Variants in EHF observed in about 807,000 individuals in gnomAD.
EHF encodes the protein ETS homologous factor.
In EHF, 14 loss-of-function variants were observed where a neutral mutation model predicts 45.1. That is an observed-to-expected ratio of 0.31 (90% CI 0.21 to 0.49). The LOEUF (loss-of-function observed/expected upper bound fraction) is 0.49. Among genes scored for constraint, EHF ranks in the 20% least tolerant of loss-of-function variants. The pLI is 0.99. For missense variants in EHF, 282 were observed against 371.4 expected (o/e 0.76, Z 1.98); for synonymous variants, 136 against 131.8 (o/e 1.03, Z -0.22).
intron 6 of EHF, 45 bp downstream of exon 6, chr11:34,651,850 G>A: frequency 6.4e-7 from 1 of 1,560,052 alleles, no homozygotes; most frequent in Admixed American, 1.8e-5. Context: ...TAATGCTTAG[G>A]GAGAATCAGT....
chr11:34,625,675 T>C (rs896517607), intron 1 of EHF, among the ~76,000 whole-genome samples: 5 of 152,216 alleles, frequency 3.3e-5, no homozygotes, highest in African/African-American at 1.2e-4. Context: ...GGGTTTTAAT[T>C]GACCTTGTTT....
intron 1 of EHF, among the ~76,000 whole-genome samples, chr11:34,638,306 C>G (rs1853650806): frequency 6.6e-6 from 1 of 152,178 alleles, no homozygotes; most frequent in Non-Finnish European, 1.5e-5. Flanking sequence ...GAATACATAC[C>G]ACCTGGGAAC....
chr11:34,632,384 T>G, intron 1 of EHF: 1 of 1,239,408 alleles, frequency 8.1e-7, no homozygotes, highest in Non-Finnish European at 1.1e-6. Flanking sequence ...TACGGTGGGT[T>G]TTATGTTAAC....
At chr11:34,635,353 G>C (rs1056028548) in intron 1 of EHF, among the ~76,000 whole-genome samples, 6 of 151,878 alleles carry the variant, frequency 4.0e-5, no homozygotes, top group Admixed American at 3.9e-4. Flanking sequence ...AGCCTCCTGG[G>C]TCTTGGGATG....
chr11:34,642,308 A>G (rs1854085572), intron 1 of EHF: 1 of 180,424 alleles, frequency 5.5e-6, no homozygotes, highest in South Asian at 1.6e-4. Flanking sequence ...AAAGAAAAAA[A>G]AAAACTGCTT....
intron 7 of EHF, 75 bp from the exon 8 acceptor site, chr11:34,658,458 C>T: frequency 7.7e-7 from 1 of 1,298,860 alleles, no homozygotes; most frequent in Non-Finnish European, 1.1e-6. Flanking sequence ...AGGAAGATGA[C>T]CTAACTCAAT....
intron 3 of EHF, among the ~76,000 whole-genome samples, chr11:34,648,050 G>T (rs1396208094): frequency 6.6e-6 from 1 of 152,168 alleles, no homozygotes. Flanking sequence ...TGACTTGTTT[G>T]GTCTCATCGC....
At chr11:34,646,823 A>C in intron 3 of EHF, 139 bp downstream of exon 3, 1 of 1,130,582 alleles carries the variant, frequency 8.8e-7, no homozygotes, top group Non-Finnish European at 1.3e-6. Context: ...CAAGACAGAG[A>C]AATGGAAGGA....
chr11:34,625,741 C>A (rs1028528099), intron 1 of EHF, among the ~76,000 whole-genome samples: 2 of 152,236 alleles, frequency 1.3e-5, no homozygotes, highest in Non-Finnish European at 2.9e-5. Context: ...AAGCACCTAA[C>A]CGCATTCTGT....
intron 6 of EHF, among the ~76,000 whole-genome samples, chr11:34,653,691 G>A (rs1399184368): frequency 1.3e-5 from 2 of 152,148 alleles, no homozygotes; most frequent in African/African-American, 4.8e-5. Context: ...AGCCTTATAT[G>A]GGTCAGTTTC....
At chr11:34,642,864 A>G in intron 2 of EHF, 137 bp downstream of exon 2, 1 of 665,264 alleles carries the variant, frequency 1.5e-6, no homozygotes, top group Non-Finnish European at 2.6e-6. Context: ...GAGAAAACTC[A>G]GTTTTGGAGT....
At position 34,662,333 on chromosome 11, in the gene EHF, A is replaced by G. The variant is rs1437165342; in HGVS notation, c.*3402A>G. On this transcript the variant is annotated 3_prime_UTR_variant, in exon 9 of 9. Transcript: ENST00000257831. ...TGAACATTTTACTGTGAGACTCTTT[A>G]TTTTGCCTTCTACTTGCGCTGAAAT... 6.6e-6 allele frequency among the ~76,000 whole-genome samples: 1 copy of G among 151,914 alleles called. No individual in the cohort carries two copies. Among genetic ancestry groups the G allele is most frequent in the Non-Finnish European group, 1.5e-5 (1 of 67,966 alleles).
intron 6 of EHF, 107 bp from the exon 7 acceptor site, chr11:34,656,801 G>A (rs1855714847): frequency 2.4e-6 from 3 of 1,246,242 alleles, no homozygotes; most frequent in Non-Finnish European, 3.4e-6. Flanking sequence ...AAGGTGCCAG[G>A]CATGCAGTAG....
rs371615222 is a variant in EHF at position 34,658,797 on chromosome 11, G to A, written c.804-35G>A. On this transcript the variant is annotated intron_variant, in intron 8 of 8. Coordinates refer to ENST00000257831, the MANE Select transcript of EHF (RefSeq NM_012153.6). ...CATTATTTACCTAGCAACCTTCATCGGATCAGTCACCTTATGCAATCTCCT... is the reference window on the plus strand; with the variant it reads ...CATTATTTACCTAGCAACCTTCATCAGATCAGTCACCTTATGCAATCTCCT... The A allele has an allele frequency of 6.7e-5, 107 of 1,606,546 alleles. No individual in the cohort carries two copies. Among genetic ancestry groups the A allele is most frequent in the African/African-American group, 1.5e-4 (11 of 74,332 alleles).
At chr11:34,635,760 T>C (rs958421587) in intron 1 of EHF, among the ~76,000 whole-genome samples, 13 of 146,248 alleles carry the variant, frequency 8.9e-5, no homozygotes, top group Non-Finnish European at 1.8e-4. Context: ...GTGCAAAGCC[T>C]TTGACAACAC....
intron 1 of EHF, among the ~76,000 whole-genome samples, chr11:34,635,986 G>A (rs1853366644): frequency 1.3e-5 from 2 of 152,166 alleles, no homozygotes; most frequent in Non-Finnish European, 2.9e-5. Context: ...GGAATAGGGA[G>A]TGGGGAGGCA....
intron 3 of EHF, 122 bp from the exon 4 acceptor site, chr11:34,648,897 C>A: frequency 2.2e-6 from 2 of 906,782 alleles, no homozygotes; most frequent in Non-Finnish European, 3.4e-6. Flanking sequence ...CATAAACAAA[C>A]ATAGGTGACC....
chr11:34,652,370 AC>A (rs1381827462), intron 6 of EHF, among the ~76,000 whole-genome samples: 1 of 152,222 alleles, frequency 6.6e-6, no homozygotes, highest in East Asian at 1.9e-4. Flanking sequence ...TTTATGAGTT[AC>A]GTTCACTTTA....
chr11:34,624,180 G>T (rs576464922), intron 1 of EHF: 75 of 620,362 alleles, frequency 1.2e-4, no homozygotes, highest in Non-Finnish European at 1.5e-4. Flanking sequence ...TAGAGTTGAC[G>T]TGACACTCAT....
Sources: allele counts gnomAD v4.1 joint callset (sites outside exome capture counted in the v4.1 genomes callset), GRCh38; gene constraint gnomAD v4.1.1; transcripts MANE v1.5; gene names NCBI Gene and HGNC (gene_info 2026-07-23, HGNC 2026-07-21).